Variants in CCSER1 observed in about 807,000 individuals in gnomAD.
CCSER1 encodes the protein serine-rich coiled-coil domain-containing protein 1.
CCSER1 carries 41 observed loss-of-function variants against 82.0 expected under a neutral mutation model. The ratio of observed to expected loss-of-function variants is 0.50; its 90% CI spans 0.39 to 0.65. The LOEUF is 0.65. Ranked by LOEUF, CCSER1 falls within the 30% of genes least tolerant of loss-of-function variation. CCSER1 has a pLI of 0.00. For missense variants in CCSER1, 1,119 were observed against 1,064.2 expected (o/e 1.05, Z -0.72); for synonymous variants, 414 against 383.9 (o/e 1.08, Z -0.92).
chr4:91,309,530 G>T (rs780155126), intron 10 of CCSER1, among the ~76,000 whole-genome samples: 1 of 151,978 alleles, frequency 6.6e-6, no homozygotes. Context: ...GGTGGTTATC[G>T]ATTTTCCTTT....
At chr4:91,127,425 C>T (rs1727614338) in intron 10 of CCSER1, among the ~76,000 whole-genome samples, 2 of 152,006 alleles carry the variant, frequency 1.3e-5, no homozygotes, top group Non-Finnish European at 2.9e-5. Flanking sequence ...TGCATTTCCT[C>T]AGAAAGGCCA....
At chr4:91,362,877 T>C (rs1216390162) in intron 10 of CCSER1, among the ~76,000 whole-genome samples, 6 of 151,804 alleles carry the variant, frequency 4.0e-5, no homozygotes, top group African/African-American at 1.4e-4. Flanking sequence ...GCTCTACCTC[T>C]TACTATTTTG....
intron 7 of CCSER1, among the ~76,000 whole-genome samples, chr4:90,796,684 C>CT (rs1211103912): frequency 1.3e-5 from 2 of 152,142 alleles, no homozygotes; most frequent in African/African-American, 4.8e-5. Context: ...TACATTGTGT[C>CT]TTTTTTCTCA....
chr4:91,165,869 C>T (rs1005355639), intron 10 of CCSER1, among the ~76,000 whole-genome samples: 5 of 152,182 alleles, frequency 3.3e-5, no homozygotes, highest in Admixed American at 6.5e-5. Context: ...GGGAAATCCC[C>T]CAACCCATTG....
At chr4:91,001,736 A>G (rs571653004) in intron 9 of CCSER1, among the ~76,000 whole-genome samples, 1 of 152,296 alleles carries the variant, frequency 6.6e-6, no homozygotes, top group Admixed American at 6.5e-5. Context: ...TAAGTGGAGC[A>G]TTTAGACCGT....
At chr4:90,931,824 C>T (rs535087704) in intron 9 of CCSER1, among the ~76,000 whole-genome samples, 5 of 152,234 alleles carry the variant, frequency 3.3e-5, no homozygotes, top group South Asian at 4.1e-4. Context: ...TTGATTAATG[C>T]TTTGGGATTT....
intron 5 of CCSER1, among the ~76,000 whole-genome samples, chr4:90,603,252 G>A (rs1490591572): frequency 2.0e-5 from 3 of 152,218 alleles, no homozygotes; most frequent in African/African-American, 7.2e-5. Context: ...TTATCTGGAC[G>A]TGCAGACAGA....
At chr4:91,466,927 G>A (rs1430119180) in intron 10 of CCSER1, among the ~76,000 whole-genome samples, 1 of 152,112 alleles carries the variant, frequency 6.6e-6, no homozygotes, top group Admixed American at 6.6e-5. Flanking sequence ...TGGCCATACT[G>A]CCCAAGGTAA....
chr4:90,786,291 A>T (rs1190392522), intron 7 of CCSER1, among the ~76,000 whole-genome samples: 1 of 152,222 alleles, frequency 6.6e-6, no homozygotes, highest in African/African-American at 2.4e-5. Context: ...AATGATGTTC[A>T]AGATATACAA....
intron 9 of CCSER1, among the ~76,000 whole-genome samples, chr4:90,962,647 T>G (rs1177732446): frequency 6.6e-6 from 1 of 152,094 alleles, no homozygotes; most frequent in African/African-American, 2.4e-5. Flanking sequence ...ATTTGAAATG[T>G]GTAATGTTCA....
chr4:90,595,141 A>G (rs537343918), intron 5 of CCSER1, among the ~76,000 whole-genome samples: 1 of 151,986 alleles, frequency 6.6e-6, no homozygotes, highest in Non-Finnish European at 1.5e-5. Context: ...TTCATCCAGT[A>G]GTTCTTATCA....
intron 6 of CCSER1, among the ~76,000 whole-genome samples, chr4:90,658,369 G>A (rs546378443): frequency 1.1e-4 from 16 of 152,232 alleles, no homozygotes; most frequent in African/African-American, 3.4e-4. Context: ...CAAGATGGAC[G>A]TCAGTCATTG....
intron 10 of CCSER1, among the ~76,000 whole-genome samples, chr4:91,440,641 GA>G (rs1755056719): frequency 6.6e-6 from 1 of 152,084 alleles, no homozygotes; most frequent in Non-Finnish European, 1.5e-5. Context: ...GAAGGAAATA[GA>G]GACACAAAAA....
At chr4:90,427,528 A>G (rs760898478) in intron 4 of CCSER1, among the ~76,000 whole-genome samples, 3 of 151,586 alleles carry the variant, frequency 2.0e-5, no homozygotes, top group Non-Finnish European at 3.0e-5. Flanking sequence ...AGGCCCTTCT[A>G]TGGCACTGTT....
chr4:90,167,127 A>T (rs1730603819), intron 1 of CCSER1, among the ~76,000 whole-genome samples: 1 of 152,070 alleles, frequency 6.6e-6, no homozygotes, highest in Admixed American at 6.6e-5. Flanking sequence ...GGATTTCCAC[A>T]TTTCTATGTT....
At position 90,138,309 on chromosome 4, in the gene CCSER1, T is replaced by C. The variant is rs185498115; in HGVS notation, c.-42+10478T>C. Among the ~76,000 whole-genome samples, 433 of 152,240 alleles carry C rather than the reference T, an allele frequency of 2.8e-3. 2 individuals carry two copies. Among genetic ancestry groups the C allele is most frequent in the Non-Finnish European group, 4.8e-3 (325 of 68,014 alleles). The stretch of plus-strand genomic sequence containing the variant: ...TGGGATCAAGTGATCCTCTCACTTA[T>C]GCCTCCCGAGTAGCTGGGATTACAG... On this transcript the variant is annotated intron_variant, in intron 1 of 10. Coordinates refer to ENST00000509176, the MANE Select transcript of CCSER1 (RefSeq NM_001145065.2).
chr4:90,689,129 C>A (rs1357515066), intron 6 of CCSER1, among the ~76,000 whole-genome samples: 1 of 152,064 alleles, frequency 6.6e-6, no homozygotes, highest in African/African-American at 2.4e-5. Context: ...ATATTTTAAT[C>A]TTTGGAATGC....
intron 7 of CCSER1, among the ~76,000 whole-genome samples, chr4:90,803,488 T>A (rs2149709247): frequency 6.6e-6 from 1 of 152,346 alleles, no homozygotes; most frequent in East Asian, 1.9e-4. Context: ...TGTGATAGTT[T>A]GCTGAGAATG....
At chr4:91,010,082 T>C (rs1212358473) in intron 9 of CCSER1, among the ~76,000 whole-genome samples, 1 of 152,170 alleles carries the variant, frequency 6.6e-6, no homozygotes, top group African/African-American at 2.4e-5. Flanking sequence ...AGGGAAAATC[T>C]AGTGGTGATG....
Sources: gnomAD v4.1 joint callset for allele counts (sites outside exome capture counted in the v4.1 genomes callset) on GRCh38, gnomAD v4.1.1 for gene constraint, MANE v1.5 for transcripts, NCBI Gene and HGNC (gene_info 2026-07-23, HGNC 2026-07-21) for gene names.